The following IGSF10 variants were observed in gnomAD, a reference collection of about 807,000 sequenced individuals.
The protein encoded by IGSF10 is immunoglobulin superfamily member 10.
Under a neutral mutation model 128.2 loss-of-function variants are expected in IGSF10, and 126 were observed. The ratio of observed to expected loss-of-function variants is 0.98; its 90% CI spans 0.85 to 1.14. The LOEUF is 1.14. Ranked by LOEUF, IGSF10 falls within the 50% of genes most tolerant of loss-of-function variation. The pLI is 0.00. For synonymous variants in IGSF10, 1,185 were observed against 1,146.2 expected, an observed-to-expected ratio of 1.03 and a Z score of -0.68; for missense variants, 3,295 against 3,149.8, an observed-to-expected ratio of 1.05 and a Z score of -1.10.
In IGSF10 at chr3:151,448,976, T is replaced by C. The variant is rs1009772736; in HGVS notation, c.1005A>G (p.Gln335=). 4 of 1,614,128 alleles carry C rather than the reference T, an allele frequency of 2.5e-6. No individual in the cohort carries two copies. Among genetic ancestry groups the C allele is most frequent in the Admixed American group, 1.7e-5 (1 of 60,014 alleles). ...CAATGGGTGATGTCCTTGAGGGCTT[T>C]TGAATACTGCAGACCATGTTAGCTT... ...GNEANMVCSI[Q]KPSRTSPIAF... Residue 335 remains glutamine (Q), a synonymous_variant, in exon 6 of 8, where the codon CAA becomes CAG. Transcript: ENST00000282466.
chr3:151,575,701 G>T, the IGSF10 span, among the ~76,000 whole-genome samples: 4 of 152,170 alleles, frequency 2.6e-5, no homozygotes, highest in Admixed American at 2.0e-4. Context: ...ATGCCCTACC[G>T]TGCTTCGGCT....
the IGSF10 span, among the ~76,000 whole-genome samples, chr3:151,569,815 T>C: frequency 1.3e-5 from 2 of 152,192 alleles, no homozygotes; most frequent in Non-Finnish European, 2.9e-5. Flanking sequence ...ACATGCGCCA[T>C]GTTGGTTTGC....
At chr3:151,463,540 T>TG (rs1560185528), upstream of IGSF10, among the ~76,000 whole-genome samples, 49 of 109,276 alleles carry the variant, frequency 4.5e-4, 2 homozygotes, top group Non-Finnish European at 7.1e-4. Flanking sequence ...TTTTTTTTTT[T>TG]TTTTTTTTTT....
chr3:151,452,005 C>T (rs1252185933), intron 5 of IGSF10, among the ~76,000 whole-genome samples: 2 of 152,100 alleles, frequency 1.3e-5, no homozygotes, highest in African/African-American at 4.8e-5. Flanking sequence ...GATTGCCTAC[C>T]ACATGCCAAG....
the IGSF10 span, among the ~76,000 whole-genome samples, chr3:151,506,380 A>G: frequency 6.6e-6 from 1 of 152,220 alleles, no homozygotes; most frequent in African/African-American, 2.4e-5. Context: ...AACAGTAGGT[A>G]AGTTAAAAGG....
chr3:151,554,959 G>T, the IGSF10 span, among the ~76,000 whole-genome samples: 1 of 152,126 alleles, frequency 6.6e-6, no homozygotes, highest in Non-Finnish European at 1.5e-5. Flanking sequence ...GCACTACATT[G>T]TGGTAATAAA....
chr3:151,453,882 A>G, intron 4 of IGSF10, 108 bp from the exon 5 acceptor site: 3 of 648,704 alleles, frequency 4.6e-6, no homozygotes, highest in Non-Finnish European at 7.9e-6. Flanking sequence ...AGTGCAATTT[A>G]TATACCTTCT....
At chr3:151,614,921 T>C in the IGSF10 span, among the ~76,000 whole-genome samples, 1 of 150,432 alleles carries the variant, frequency 6.6e-6, no homozygotes. Context: ...GCCTGTAATG[T>C]AATAATTATG....
At position 151,458,624 on chromosome 3, in the gene IGSF10, CA is replaced by C; in HGVS notation, c.85del (p.Cys29ValfsTer20). 6.2e-7 allele frequency: 1 copy of C among 1,614,194 alleles called. No individual in the cohort carries two copies. Among genetic ancestry groups the C allele is most frequent in the Non-Finnish European group, 8.5e-7 (1 of 1,180,030 alleles). On this transcript the variant is annotated frameshift_variant, in exon 3 of 8. Transcript: ENST00000282466. LOFTEE classifies it high-confidence loss of function. Reference protein sequence around the residue: ...CLVATPGGKACPRRCACYMPT... With the variant: ...CLVATPGGKAXPRRCACYMPT... Reference sequence around the variant, plus strand: ...CATATAACAGGCACAGCGGCGAGGACAGGCCTTGCCCCCAGGGGTGGCGACC... The same window carrying C: ...CATATAACAGGCACAGCGGCGAGGACGGCCTTGCCCCCAGGGGTGGCGACC...
chr3:151,547,599 C>G, the IGSF10 span, among the ~76,000 whole-genome samples: 2 of 152,108 alleles, frequency 1.3e-5, no homozygotes, highest in Non-Finnish European at 2.9e-5. Context: ...GCATATTTGT[C>G]ATTGGACTCT....
the IGSF10 span, among the ~76,000 whole-genome samples, chr3:151,525,001 CCTTTTTTTTTTTTTTT>C: frequency 1.3e-4 from 14 of 106,852 alleles, no homozygotes; most frequent in South Asian, 3.7e-4. Flanking sequence ...ATGCATTACA[CCTTTTTTTTTTTTTTT>C]TTTTTTTTTT....
chr3:151,486,272 A>G, the IGSF10 span, among the ~76,000 whole-genome samples: 2 of 152,186 alleles, frequency 1.3e-5, no homozygotes, highest in South Asian at 2.1e-4. Context: ...AGAGCTAACT[A>G]TCCTACATAT....
At chr3:151,615,195 G>T in the IGSF10 span, among the ~76,000 whole-genome samples, 1 of 151,482 alleles carries the variant, frequency 6.6e-6, no homozygotes, top group Non-Finnish European at 1.5e-5. Context: ...TTAACTGAAA[G>T]CTACTTCATT....
At position 151,445,086 on chromosome 3, in the gene IGSF10, G is replaced by C. The variant is rs1486017435; in HGVS notation, c.4895C>G (p.Ser1632Cys). 6.2e-7 allele frequency: 1 copy of C among 1,614,188 alleles called. No homozygotes were observed. Among genetic ancestry groups the C allele is most frequent in the Non-Finnish European group, 8.5e-7 (1 of 1,180,036 alleles). The change falls in exon 6 of 8, where the codon TCC becomes TGC. Residue 1632 changes from serine to cysteine, a missense_variant. Physicochemically the swap from Ser to Cys is moderately radical, Grantham distance 112. Coordinates refer to ENST00000282466, the MANE Select transcript of IGSF10 (RefSeq NM_178822.5). The stretch of plus-strand genomic sequence containing the variant: ...CAAAGAGTCAAAGGGAAGGAGTTTG[G>C]AAGTTGTTGCTTCTTGAACTGGTTT... ...DKKPVQEATT[S>C]KLLPFDSLSR...
the IGSF10 span, among the ~76,000 whole-genome samples, chr3:151,586,417 G>C: frequency 6.6e-6 from 1 of 152,044 alleles, no homozygotes. Context: ...AAAGTTAAGT[G>C]CTATAATTTT....
chr3:151,448,407 T>A lies in IGSF10; in HGVS notation c.1574A>T (p.Asp525Val). Residue 525 changes from aspartate to valine, a missense_variant, in exon 6 of 8, where the codon GAT (aspartate) becomes GTT (valine). Physicochemically the swap from Asp to Val is radical, Grantham distance 152 (BLOSUM62 -3). Coordinates refer to ENST00000282466, the MANE Select transcript of IGSF10 (RefSeq NM_178822.5). ...SKVRAPYVSE[D>V]GRILIDKSGK... ...ACTTTTGTCTATTAGGATCCGTCCA[T>A]CCTCACTGACATAAGGGGCTCTCAC... is the stretch of plus-strand genomic sequence containing the variant. 3.7e-6 allele frequency: 6 copies of A among 1,614,236 alleles called. No individual in the cohort carries two copies. Among genetic ancestry groups the A allele is most frequent in the African/African-American group, 1.3e-5 (1 of 75,072 alleles).
chr3:151,564,145 A>G, the IGSF10 span, among the ~76,000 whole-genome samples: 7 of 152,204 alleles, frequency 4.6e-5, no homozygotes, highest in Admixed American at 1.3e-4. Flanking sequence ...TGGCTTTAGG[A>G]GTAAAACATA....
the IGSF10 span, among the ~76,000 whole-genome samples, chr3:151,572,947 CA>C: frequency 2.0e-5 from 3 of 152,200 alleles, no homozygotes; most frequent in African/African-American, 7.2e-5. Context: ...TCATTGGTTT[CA>C]AAAAACATCT....
chr3:151,438,411 C>G lies in IGSF10; in HGVS notation c.6150G>C (p.Val2050=), dbSNP rs773068128. ...CTACTTGGAAATCTTTCCCATGGAG[C>G]ACTTGCTTTCTAAAATACTGCTTGT... ...IDHKQYFRKQ[V]LHGKDFQVDC... The change falls in exon 8 of 8, where the codon GTG becomes GTC. Residue 2050 remains valine, a synonymous_variant. Coordinates refer to ENST00000282466, the MANE Select transcript of IGSF10 (RefSeq NM_178822.5). The G allele has an allele frequency of 6.8e-6, 11 of 1,614,168 alleles. No individual in the cohort carries two copies. Among genetic ancestry groups the G allele is most frequent in the Non-Finnish European group, 9.3e-6 (11 of 1,180,024 alleles).
Sources: allele counts gnomAD v4.1 joint callset (sites outside exome capture counted in the v4.1 genomes callset), GRCh38; gene constraint gnomAD v4.1.1; transcripts MANE v1.5; gene names NCBI Gene and HGNC (gene_info 2026-07-23, HGNC 2026-07-21).